LONRF1: variants seen among roughly 807,000 people sequenced by gnomAD.
The protein encoded by LONRF1 is LON peptidase N-terminal domain and ring finger 1.
LONRF1 carries 37 observed loss-of-function variants against 85.8 expected under a neutral mutation model. That is an observed-to-expected ratio of 0.43 (90% CI 0.33 to 0.57). LONRF1 has a LOEUF of 0.57. LONRF1 is among the 20% of genes least tolerant of loss of function. The pLI is 0.04. For missense variants in LONRF1, 1,036 were observed against 978.0 expected (o/e 1.06, Z -0.79); for synonymous variants, 517 against 390.1 (o/e 1.33, Z -3.83).
At chr8:12,734,419 T>C (rs1013649614) in intron 7 of LONRF1, among the ~76,000 whole-genome samples, 29 of 152,348 alleles carry the variant, frequency 1.9e-4, no homozygotes, top group Admixed American at 1.7e-3. Context: ...ATACTTTTTT[T>C]TAAGCAATCC....
Position 12,738,030 on chromosome 8 carries a change from C to G in LONRF1, c.1078G>C (p.Glu360Gln). 1 of 1,610,758 alleles carries G rather than the reference C, an allele frequency of 6.2e-7. No homozygotes were observed. Among genetic ancestry groups the G allele is most frequent in the Non-Finnish European group, 8.5e-7 (1 of 1,178,586 alleles). The change falls in exon 4 of 12, where the codon GAG becomes CAG. Residue 360 changes from glutamate (E) to glutamine (Q), a missense_variant. Glu to Gln is a conservative substitution (Grantham distance 29). Coordinates refer to ENST00000398246, the MANE Select transcript of LONRF1 (RefSeq NM_152271.5). Reference protein sequence around the residue: ...RPFDFHSVMEESQSLNEPSPK... With the variant: ...RPFDFHSVMEQSQSLNEPSPK... Reference sequence around the variant, plus strand: ...CTAGGTTCATTGAGAGACTGAGACTCTTCCATCACTGAATGAAAATCAAAA... The same window carrying G: ...CTAGGTTCATTGAGAGACTGAGACTGTTCCATCACTGAATGAAAATCAAAA...
intron 1 of LONRF1, among the ~76,000 whole-genome samples, chr8:12,745,637 T>C (rs1026364407): frequency 2.0e-5 from 3 of 152,236 alleles, no homozygotes; most frequent in African/African-American, 7.2e-5. Context: ...TCAGGGAAGA[T>C]GCTGGTGCTC....
intron 3 of LONRF1, 106 bp from the exon 4 acceptor site, chr8:12,738,250 AT>A (rs199814829): frequency 1.2e-5 from 9 of 755,562 alleles, no homozygotes; most frequent in Admixed American, 3.6e-5. Context: ...TGTAGCAGAC[AT>A]TTTTTTAATG....
intron 1 of LONRF1, among the ~76,000 whole-genome samples, chr8:12,746,780 T>G (rs1455218083): frequency 6.6e-6 from 1 of 152,158 alleles, no homozygotes; most frequent in African/African-American, 2.4e-5. Context: ...AGCTAGTAAT[T>G]GGTGGATTCG....
chr8:12,723,941 A>T (rs1442540569), intron 11 of LONRF1, among the ~76,000 whole-genome samples: 1 of 152,208 alleles, frequency 6.6e-6, no homozygotes, highest in Non-Finnish European at 1.5e-5. Context: ...TATTGAAACA[A>T]CTAGAAATTT....
intron 7 of LONRF1, among the ~76,000 whole-genome samples, chr8:12,734,819 C>T (rs1338285776): frequency 6.6e-6 from 1 of 152,146 alleles, no homozygotes; most frequent in Non-Finnish European, 1.5e-5. Context: ...AACAGGCAAA[C>T]ATGGCTAATG....
chr8:12,746,569 T>C (rs1799162919), intron 1 of LONRF1, among the ~76,000 whole-genome samples: 1 of 152,256 alleles, frequency 6.6e-6, no homozygotes, highest in Non-Finnish European at 1.5e-5. Context: ...CCACTCACTG[T>C]GACTTGGGGT....
At chr8:12,752,644 T>G (rs1799454438) in intron 1 of LONRF1, among the ~76,000 whole-genome samples, 1 of 152,238 alleles carries the variant, frequency 6.6e-6, no homozygotes, top group Admixed American at 6.5e-5. Context: ...TTTCAGAGCC[T>G]TTTCCTGTTA....
intron 3 of LONRF1, chr8:12,738,883 A>C (rs1268646628): frequency 6.6e-6 from 1 of 152,188 alleles, no homozygotes; most frequent in African/African-American, 2.4e-5. Context: ...GCACATATTA[A>C]AGTCTAAATT....
intron 1 of LONRF1, among the ~76,000 whole-genome samples, chr8:12,751,302 T>TG (rs1263610391): frequency 1.0e-5 from 1 of 96,602 alleles, no homozygotes; most frequent in South Asian, 4.5e-4. Context: ...TTATGTTTTT[T>TG]TTTTTTTTTT....
At chr8:12,741,187 C>T (rs1332246276) in intron 2 of LONRF1, among the ~76,000 whole-genome samples, 191 bp from the exon 3 acceptor site, 1 of 152,080 alleles carries the variant, frequency 6.6e-6, no homozygotes, top group Admixed American at 6.5e-5. Context: ...AGTTCGAGAC[C>T]AGTCTGGTCA....
chr8:12,723,282 T>C (rs1805994662), intron 11 of LONRF1, 28 bp from the exon 12 acceptor site: 1 of 1,570,178 alleles, frequency 6.4e-7, no homozygotes, highest in South Asian at 1.2e-5. Context: ...TTTATAGCAT[T>C]AATAAAACAA....
intron 1 of LONRF1, among the ~76,000 whole-genome samples, chr8:12,747,509 G>C (rs1371016089): frequency 6.6e-6 from 1 of 152,168 alleles, no homozygotes; most frequent in Non-Finnish European, 1.5e-5. Flanking sequence ...GAAAAAATTA[G>C]CACAAATTTA....
chr8:12,753,790 T>G (rs1391316253), intron 1 of LONRF1: 1 of 152,114 alleles, frequency 6.6e-6, no homozygotes, highest in Non-Finnish European at 1.5e-5. Context: ...CGAGGCTGCT[T>G]CTTGGAGACT....
At chr8:12,744,704 G>T (rs1302114468) in intron 1 of LONRF1, among the ~76,000 whole-genome samples, 1 of 152,136 alleles carries the variant, frequency 6.6e-6, no homozygotes, top group African/African-American at 2.4e-5. Flanking sequence ...CTAAGAACAA[G>T]TAGTAAAAGC....
intron 1 of LONRF1, among the ~76,000 whole-genome samples, chr8:12,743,589 T>C (rs1799025879): frequency 6.6e-6 from 1 of 152,148 alleles, no homozygotes; most frequent in Non-Finnish European, 1.5e-5. Flanking sequence ...CAAAGGGTAG[T>C]CTATAAAGAT....
chr8:12,741,073 C>G, intron 2 of LONRF1, 77 bp from the exon 3 acceptor site: 1 of 1,544,770 alleles, frequency 6.5e-7, no homozygotes, highest in Admixed American at 1.7e-5. Context: ...TAAAGAAAAA[C>G]AATAGTCTGC....
At chr8:12,727,338 G>A (rs1185510548) in intron 10 of LONRF1, 1 of 150,120 alleles carries the variant, frequency 6.7e-6, no homozygotes, top group East Asian at 2.0e-4. Flanking sequence ...GAACTTTACT[G>A]TGATAATTTT....
intron 7 of LONRF1, among the ~76,000 whole-genome samples, chr8:12,733,585 G>C (rs1798608887): frequency 6.6e-6 from 1 of 152,090 alleles, no homozygotes; most frequent in African/African-American, 2.4e-5. Context: ...TTCAGTGACA[G>C]ATATATAATA....
Sources: gnomAD v4.1 joint callset for allele counts (sites outside exome capture counted in the v4.1 genomes callset) on GRCh38, gnomAD v4.1.1 for gene constraint, MANE v1.5 for transcripts, NCBI Gene and HGNC (gene_info 2026-07-23, HGNC 2026-07-21) for gene names.